The following PRKCA variants were observed in gnomAD, a reference collection of about 807,000 sequenced individuals.
The protein encoded by PRKCA is protein kinase C alpha type.
Under a neutral mutation model 87.0 loss-of-function variants are expected in PRKCA, and 27 were observed. The observed-to-expected ratio is 0.31, with a 90% CI of 0.23 to 0.43. PRKCA has a LOEUF of 0.43. Ranked by LOEUF, PRKCA falls within the 20% of genes least tolerant of loss-of-function variation. The pLI, the probability that PRKCA is intolerant of heterozygous loss-of-function variation, is 1.00. For synonymous variants in PRKCA, 329 were observed against 311.1 expected (o/e 1.06, Z -0.61); for missense variants, 518 against 852.3 (o/e 0.61, Z 4.88).
intron 8 of PRKCA, among the ~76,000 whole-genome samples, chr17:66,726,968 C>T (rs1451983417): frequency 6.6e-6 from 1 of 152,174 alleles, no homozygotes; most frequent in Non-Finnish European, 1.5e-5. Context: ...AGGTGATCCT[C>T]CTGCCTTGGT....
At chr17:66,512,184 C>T (rs1315539359) in intron 3 of PRKCA, among the ~76,000 whole-genome samples, 1 of 152,096 alleles carries the variant, frequency 6.6e-6, no homozygotes, top group Non-Finnish European at 1.5e-5. Flanking sequence ...ATCATTGTGT[C>T]ACTCCATCTG....
intron 3 of PRKCA, among the ~76,000 whole-genome samples, chr17:66,611,707 T>G (rs1970369094): frequency 6.6e-6 from 1 of 152,226 alleles, no homozygotes; most frequent in African/African-American, 2.4e-5. Flanking sequence ...GGGGTAGAAT[T>G]GCAGGGTCAC....
chr17:66,366,738 G>T (rs1908752020), intron 2 of PRKCA, among the ~76,000 whole-genome samples: 1 of 152,156 alleles, frequency 6.6e-6, no homozygotes, highest in Non-Finnish European at 1.5e-5. Context: ...TCCTTGAAAA[G>T]AAAGGATGAG....
chr17:66,397,494 T>C (rs1300588997), intron 2 of PRKCA, among the ~76,000 whole-genome samples: 1 of 152,102 alleles, frequency 6.6e-6, no homozygotes, highest in African/African-American at 2.4e-5. Flanking sequence ...GATATATCTT[T>C]AAAAACGTTT....
At chr17:66,445,776 A>G (rs1914002594) in intron 2 of PRKCA, among the ~76,000 whole-genome samples, 1 of 149,488 alleles carries the variant, frequency 6.7e-6, no homozygotes, top group South Asian at 2.1e-4. Flanking sequence ...TCATCTGTCT[A>G]CATTAGGGTT....
chr17:66,409,029 G>A (rs76338920), intron 2 of PRKCA, among the ~76,000 whole-genome samples: 7,672 of 59,606 alleles, frequency 0.13, 303 homozygotes, highest in African/African-American at 0.2. Context: ...TCCCTCCCCA[G>A]TCTCAAAAAA....
intron 3 of PRKCA, among the ~76,000 whole-genome samples, chr17:66,574,479 T>C (rs1002960895): frequency 1.3e-5 from 2 of 152,162 alleles, no homozygotes; most frequent in African/African-American, 4.8e-5. Context: ...GAACCCTGTC[T>C]AGCACGGAGA....
chr17:66,648,435 G>A (rs60601306), intron 5 of PRKCA, among the ~76,000 whole-genome samples: 22,573 of 152,158 alleles, frequency 0.15, 1,964 homozygotes, highest in East Asian at 0.3. Context: ...CGTTATAGAT[G>A]AAGAAACGGA....
chr17:66,702,052 A>G (rs1272366727), intron 8 of PRKCA, among the ~76,000 whole-genome samples: 1 of 152,154 alleles, frequency 6.6e-6, no homozygotes, highest in Admixed American at 6.5e-5. Context: ...TAGCCAAGAT[A>G]TGGAAACAGT....
chr17:66,582,978 A>T (rs1969490583), intron 3 of PRKCA, among the ~76,000 whole-genome samples: 1 of 152,150 alleles, frequency 6.6e-6, no homozygotes, highest in Non-Finnish European at 1.5e-5. Context: ...ACATCCTGGG[A>T]CGTGTTACTT....
At position 66,806,127 on chromosome 17, in the gene PRKCA, A is replaced by C. The variant is rs1441615278; in HGVS notation, c.*2090A>C. 2 of 152,250 alleles carry C rather than the reference A, an allele frequency of 1.3e-5. No individual in the cohort carries two copies. Among genetic ancestry groups the C allele is most frequent in the Admixed American group, 6.5e-5 (1 of 15,286 alleles). 9.4% of individuals were successfully genotyped at this position (152,250 alleles called of 1,614,324 possible). ...GTCCTCAGAGTAGCCGGGTTCTACC[A>C]CAAACAGAAACAGAATGAAAGTAGC... On this transcript the variant is annotated 3_prime_UTR_variant, in exon 17 of 17. Coordinates refer to ENST00000413366, the MANE Select transcript of PRKCA (RefSeq NM_002737.3).
chr17:66,719,368 T>A (rs1300186167), intron 8 of PRKCA, among the ~76,000 whole-genome samples: 1 of 152,106 alleles, frequency 6.6e-6, no homozygotes, highest in Non-Finnish European at 1.5e-5. Flanking sequence ...TAGGAAATCA[T>A]GAAAAGAAAG....
Position 66,751,870 on chromosome 17 carries a change from G to C in PRKCA, c.1524+9110G>C, listed in dbSNP as rs574640904. On this transcript the variant is annotated intron_variant, in intron 13 of 16. Coordinates refer to ENST00000413366, the MANE Select transcript of PRKCA (RefSeq NM_002737.3). Reference sequence around the variant, plus strand: ...TCTTCCATAGCCAGAGCAAGAGAGAGAGCAGGGAGGTGCTACACACTTTCA... The same window carrying C: ...TCTTCCATAGCCAGAGCAAGAGAGACAGCAGGGAGGTGCTACACACTTTCA... Among the ~76,000 whole-genome samples the C allele has an allele frequency of 2.2e-4, 33 of 152,350 alleles. No individual in the cohort carries two copies. The South Asian group carries it at 6.0e-3, about 28-fold the overall frequency.
At chr17:66,551,049 T>G (rs1244891061) in intron 3 of PRKCA, among the ~76,000 whole-genome samples, 4 of 152,182 alleles carry the variant, frequency 2.6e-5, no homozygotes, top group Non-Finnish European at 5.9e-5. Flanking sequence ...ATGTTTATTA[T>G]TTCACAGCAT....
At chr17:66,452,784 A>T (rs1914388072) in intron 2 of PRKCA, among the ~76,000 whole-genome samples, 1 of 152,198 alleles carries the variant, frequency 6.6e-6, no homozygotes, top group Non-Finnish European at 1.5e-5. Flanking sequence ...GAATGGCATG[A>T]ACCTGGGAGG....
intron 9 of PRKCA, 126 bp downstream of exon 9, chr17:66,732,951 A>C (rs4791043): frequency 8.2e-7 from 1 of 1,225,566 alleles, no homozygotes; most frequent in African/African-American, 1.5e-5. Context: ...GGAGATCAAG[A>C]CCATCCTGGC....
chr17:66,797,737 G>A (rs141478993), intron 16 of PRKCA, among the ~76,000 whole-genome samples: 8 of 152,268 alleles, frequency 5.3e-5, no homozygotes, highest in East Asian at 1.9e-4. Context: ...TGCCGACATC[G>A]CCTGGTCTCA....
At chr17:66,393,014 T>A (rs1292141924) in intron 2 of PRKCA, among the ~76,000 whole-genome samples, 1 of 151,994 alleles carries the variant, frequency 6.6e-6, no homozygotes, top group Non-Finnish European at 1.5e-5. Context: ...GTTGGCTAAA[T>A]AGAGGGGAAA....
chr17:66,674,323 A>G (rs933982863), intron 5 of PRKCA, among the ~76,000 whole-genome samples: 10 of 152,182 alleles, frequency 6.6e-5, no homozygotes, highest in African/African-American at 2.4e-4. Flanking sequence ...GCGATGGGGC[A>G]GTGTGGACCC....
Sources: gnomAD v4.1 joint callset for allele counts (sites outside exome capture counted in the v4.1 genomes callset) on GRCh38, gnomAD v4.1.1 for gene constraint, MANE v1.5 for transcripts, NCBI Gene and HGNC (gene_info 2026-07-23, HGNC 2026-07-21) for gene names.